The following RBFOX1 variants were observed in gnomAD, a reference collection of about 807,000 sequenced individuals.
RBFOX1 encodes RNA binding fox-1 homolog 1.
Under a neutral mutation model 57.7 loss-of-function variants are expected in RBFOX1, and 8 were observed. The ratio of observed to expected loss-of-function variants is 0.14; its 90% CI spans 0.08 to 0.25. RBFOX1 has a LOEUF of 0.25. Among genes scored for constraint, RBFOX1 ranks in the 10% least tolerant of loss-of-function variants. The probability of loss-of-function intolerance (pLI) is 1.00; values close to 1 mark genes in which losing one functional copy is unlikely to be tolerated. For missense variants in RBFOX1, 611 were observed against 548.5 expected (o/e 1.11, Z -1.14); for synonymous variants, 326 against 222.4 (o/e 1.47, Z -4.15).
At chr16:6,940,350 C>T (rs2078153514) in intron 3 of RBFOX1, among the ~76,000 whole-genome samples, 1 of 152,268 alleles carries the variant, frequency 6.6e-6, no homozygotes, top group East Asian at 1.9e-4. Flanking sequence ...AAAGCAAAAG[C>T]TCAAACTACA....
chr16:6,949,011 T>C (rs1278557297), intron 3 of RBFOX1, among the ~76,000 whole-genome samples: 2 of 152,102 alleles, frequency 1.3e-5, no homozygotes, highest in East Asian at 3.9e-4. Flanking sequence ...GGATTCTCGA[T>C]TAAGAAAAGA....
chr16:7,221,277 G>T (rs950038427), intron 4 of RBFOX1, among the ~76,000 whole-genome samples: 1 of 151,964 alleles, frequency 6.6e-6, no homozygotes, highest in African/African-American at 2.4e-5. Context: ...GGTCTCAGAA[G>T]GTGATTTGGC....
At chr16:7,230,136 G>A (rs918941887) in intron 4 of RBFOX1, among the ~76,000 whole-genome samples, 1 of 149,466 alleles carries the variant, frequency 6.7e-6, no homozygotes, top group African/African-American at 2.4e-5. Context: ...GGGAAGGAAG[G>A]CCTCCTCATC....
intron 4 of RBFOX1, among the ~76,000 whole-genome samples, chr16:5,950,389 G>A (rs549991271): frequency 3.9e-5 from 6 of 152,242 alleles, no homozygotes; most frequent in Non-Finnish European, 8.8e-5. Context: ...ACCCACTTAT[G>A]ATACTTACTT....
At chr16:6,687,550 G>T (rs1272857871) in intron 3 of RBFOX1, among the ~76,000 whole-genome samples, 2 of 152,144 alleles carry the variant, frequency 1.3e-5, no homozygotes, top group African/African-American at 4.8e-5. Context: ...TGATATCTTG[G>T]TGTTTTATCA....
At chr16:5,918,456 A>C (rs2058754379) in intron 4 of RBFOX1, among the ~76,000 whole-genome samples, 1 of 152,160 alleles carries the variant, frequency 6.6e-6, no homozygotes, top group Non-Finnish European at 1.5e-5. Context: ...GTGTGTGTGC[A>C]ACTTGACATC....
At chr16:6,268,408 A>G (rs1272137313) in intron 1 of RBFOX1, among the ~76,000 whole-genome samples, 4 of 152,160 alleles carry the variant, frequency 2.6e-5, no homozygotes, top group Non-Finnish European at 5.9e-5. Flanking sequence ...GCTTGTGATT[A>G]TTCTTTTAGT....
intron 5 of RBFOX1, among the ~76,000 whole-genome samples, chr16:7,567,349 A>ATC (rs1555612117): frequency 1.7e-5 from 2 of 115,922 alleles, no homozygotes; most frequent in Non-Finnish European, 3.7e-5. Context: ...CTATATATAT[A>ATC]TCCCTATATA....
chr16:7,628,865 G>A (rs1203494926), intron 10 of RBFOX1, among the ~76,000 whole-genome samples: 1 of 152,042 alleles, frequency 6.6e-6, no homozygotes, highest in Non-Finnish European at 1.5e-5. Context: ...TACCTGCCTT[G>A]GCCTCCCAAA....
At chr16:7,140,649 C>T (rs1231320108) in intron 4 of RBFOX1, among the ~76,000 whole-genome samples, 1 of 152,054 alleles carries the variant, frequency 6.6e-6, no homozygotes, top group Non-Finnish European at 1.5e-5. Flanking sequence ...AATATCTGAA[C>T]CAACAATTCC....
At chr16:5,890,317 C>A (rs1378429955) in intron 4 of RBFOX1, among the ~76,000 whole-genome samples, 1 of 152,172 alleles carries the variant, frequency 6.6e-6, no homozygotes, top group African/African-American at 2.4e-5. Context: ...ACTTTACCCT[C>A]CCCACCACGT....
At chr16:6,793,360 C>T (rs1446784124) in intron 3 of RBFOX1, among the ~76,000 whole-genome samples, 1 of 152,004 alleles carries the variant, frequency 6.6e-6, no homozygotes, top group Non-Finnish European at 1.5e-5. Context: ...TGATTTTCTT[C>T]CATTGAGATT....
intron 13 of RBFOX1, among the ~76,000 whole-genome samples, chr16:7,672,325 G>C (rs2071736053): frequency 6.6e-6 from 1 of 152,198 alleles, no homozygotes; most frequent in Non-Finnish European, 1.5e-5. Context: ...AACTGAGGAT[G>C]ATCAGTGAGA....
intron 14 of RBFOX1, among the ~76,000 whole-genome samples, chr16:7,677,868 C>T (rs554836243): frequency 1.1e-4 from 16 of 152,304 alleles, no homozygotes; most frequent in Admixed American, 9.8e-4. Context: ...GCGTCAGCAG[C>T]CTCTGGTCCT....
intron 4 of RBFOX1, among the ~76,000 whole-genome samples, chr16:7,071,661 A>C (rs188978918): frequency 7.9e-5 from 12 of 151,748 alleles, no homozygotes; most frequent in Admixed American, 5.9e-4. Context: ...ATACATACAT[A>C]CATACATATA....
chr16:6,791,477 C>A (rs115602052), intron 3 of RBFOX1, among the ~76,000 whole-genome samples: 2 of 152,084 alleles, frequency 1.3e-5, no homozygotes, highest in African/African-American at 4.8e-5. Context: ...TAGAGCATCA[C>A]GCCAGTCACA....
rs533264324 is a variant in RBFOX1, at chr16:6,372,184, G to A, written c.-64+55127G>A. On this transcript the variant is annotated intron_variant, in intron 2 of 15. Coordinates refer to ENST00000550418, the MANE Select transcript of RBFOX1 (RefSeq NM_018723.4). ...GGGTTGTTGGGTAGAATGGAGATTG[G>A]GTGGAAGTATACTCGGATGAGAGGG... Among the ~76,000 whole-genome samples the A allele has an allele frequency of 4.6e-5, 7 of 152,206 alleles. No homozygotes were observed. In the South Asian group the frequency reaches 1.5e-3, roughly 32 times the overall value.
At chr16:7,211,572 G>C (rs2091148435) in intron 4 of RBFOX1, among the ~76,000 whole-genome samples, 2 of 152,082 alleles carry the variant, frequency 1.3e-5, no homozygotes, top group African/African-American at 4.8e-5. Context: ...AAAAGGCCTT[G>C]AGTCTTAAAA....
chr16:6,296,814 C>T (rs77664061), intron 1 of RBFOX1, among the ~76,000 whole-genome samples: 3,642 of 152,238 alleles, frequency 0.024, 152 homozygotes, highest in African/African-American at 0.082. Context: ...GCATGTGTTA[C>T]CACACCGAGG....
Sources: allele counts gnomAD v4.1 joint callset (sites outside exome capture counted in the v4.1 genomes callset), GRCh38; gene constraint gnomAD v4.1.1; transcripts MANE v1.5; gene names NCBI Gene and HGNC (gene_info 2026-07-23, HGNC 2026-07-21).